The following GPR39 variants were observed in gnomAD, a reference collection of about 807,000 sequenced individuals.
The protein encoded by GPR39 is G protein-coupled receptor 39, also known as zinc sensing receptor.
A neutral mutation model predicts 18.4 loss-of-function variants in GPR39; 23 were observed. That is an observed-to-expected ratio of 1.25 (90% CI 0.90 to 1.77). The LOEUF (loss-of-function observed/expected upper bound fraction) is 1.77. GPR39 is among the 40% of genes most tolerant of loss of function. The pLI, the probability that GPR39 is intolerant of heterozygous loss-of-function variation, is 0.00. For synonymous variants in GPR39, 280 were observed against 257.9 expected (o/e 1.09, Z -0.82); for missense variants, 647 against 602.4 (o/e 1.07, Z -0.78).
intron 1 of GPR39, among the ~76,000 whole-genome samples, chr2:132,505,926 A>G (rs767472797): frequency 2.0e-5 from 3 of 152,238 alleles, no homozygotes; most frequent in Non-Finnish European, 4.4e-5. Context: ...AAGGAGTGGG[A>G]TTGATGGATC....
chr2:132,430,944 G>C (rs1313530812), intron 1 of GPR39, among the ~76,000 whole-genome samples: 1 of 152,138 alleles, frequency 6.6e-6, no homozygotes, highest in East Asian at 1.9e-4. Context: ...CCTTCCCCCT[G>C]GCTGAGTCCT....
At chr2:132,551,891 T>C (rs1573662134) in intron 1 of GPR39, among the ~76,000 whole-genome samples, 1 of 152,224 alleles carries the variant, frequency 6.6e-6, no homozygotes, top group African/African-American at 2.4e-5. Flanking sequence ...CTCGGTTCTC[T>C]GCTAGGCAGT....
chr2:132,618,101 T>C (rs57667377), intron 1 of GPR39, among the ~76,000 whole-genome samples: 3,601 of 152,300 alleles, frequency 0.024, 155 homozygotes, highest in African/African-American at 0.082. Context: ...GAAAATTCTG[T>C]TGGGCCCCTT....
At chr2:132,639,249 A>G (rs139610595) in intron 1 of GPR39, among the ~76,000 whole-genome samples, 576 of 149,320 alleles carry the variant, frequency 3.9e-3, no homozygotes, top group Middle Eastern at 6.9e-3. Context: ...GAGAACTTGA[A>G]TGGGGGGATA....
intron 1 of GPR39, among the ~76,000 whole-genome samples, chr2:132,621,517 A>G (rs1299016132): frequency 6.6e-6 from 1 of 152,042 alleles, no homozygotes; most frequent in Non-Finnish European, 1.5e-5. Flanking sequence ...TACCATCAGC[A>G]CTGCCAGCTC....
intron 1 of GPR39, among the ~76,000 whole-genome samples, chr2:132,536,703 A>G (rs1008106989): frequency 2.0e-5 from 3 of 152,186 alleles, no homozygotes; most frequent in Non-Finnish European, 4.4e-5. Flanking sequence ...TGGGAGTCTC[A>G]GTCTCTTTGT....
chr2:132,492,649 T>TAC lies in GPR39; in HGVS notation c.856+74752_856+74753insCA, dbSNP rs1421086319. ...AATATATATACACACCATCTATATA[T>TAC]AATATATATACACACCATATATATA... On this transcript the variant is annotated intron_variant, in intron 1 of 1. Transcript: ENST00000329321. 7.4e-5 allele frequency among the ~76,000 whole-genome samples: 10 copies of TAC among 134,282 alleles called. No individual in the cohort carries two copies. In the East Asian group the frequency reaches 2.2e-3, roughly 30 times the overall value. 88.1% of individuals were successfully genotyped at this position (134,282 alleles called of 152,430 possible).
At chr2:132,606,341 C>T (rs72841243) in intron 1 of GPR39, among the ~76,000 whole-genome samples, 1 of 152,088 alleles carries the variant, frequency 6.6e-6, no homozygotes, top group African/African-American at 2.4e-5. Flanking sequence ...ATAAAACATA[C>T]CAAGTGCTTA....
chr2:132,540,755 G>C (rs1325342923), intron 1 of GPR39, among the ~76,000 whole-genome samples: 1 of 152,150 alleles, frequency 6.6e-6, no homozygotes, highest in African/African-American at 2.4e-5. Flanking sequence ...TGTCAGCTGA[G>C]AGCTGCATTT....
chr2:132,590,954 T>C (rs1680824927), intron 1 of GPR39, among the ~76,000 whole-genome samples: 1 of 151,720 alleles, frequency 6.6e-6, no homozygotes, highest in Non-Finnish European at 1.5e-5. Flanking sequence ...ACAGCTAGGA[T>C]AAAAACAGAG....
chr2:132,510,215 T>C (rs1410605795), intron 1 of GPR39, among the ~76,000 whole-genome samples: 1 of 152,106 alleles, frequency 6.6e-6, no homozygotes, highest in African/African-American at 2.4e-5. Context: ...CACTGGGCAC[T>C]GGTTACCTAC....
intron 1 of GPR39, among the ~76,000 whole-genome samples, chr2:132,541,301 A>G (rs929118211): frequency 6.6e-6 from 1 of 151,960 alleles, no homozygotes; most frequent in African/African-American, 2.4e-5. Flanking sequence ...CCAGGCTGTT[A>G]TCGAACTCCT....
chr2:132,508,657 C>G (rs1679180351), intron 1 of GPR39, among the ~76,000 whole-genome samples: 1 of 152,212 alleles, frequency 6.6e-6, no homozygotes, highest in Admixed American at 6.5e-5. Flanking sequence ...AAAACCATAT[C>G]TGTAAATCAG....
intron 1 of GPR39, among the ~76,000 whole-genome samples, chr2:132,428,731 A>G (rs1408257829): frequency 1.3e-5 from 2 of 152,230 alleles, no homozygotes; most frequent in Non-Finnish European, 2.9e-5. Context: ...TGTCAATACT[A>G]GAAAAGGGTG....
intron 1 of GPR39, among the ~76,000 whole-genome samples, chr2:132,631,601 AT>A (rs1190187999): frequency 6.6e-6 from 1 of 152,050 alleles, no homozygotes; most frequent in East Asian, 1.9e-4. Flanking sequence ...CCGTCAGTTG[AT>A]TTTGTTTTTC....
intron 1 of GPR39, among the ~76,000 whole-genome samples, chr2:132,420,312 C>T (rs1679986933): frequency 6.6e-6 from 1 of 152,134 alleles, no homozygotes; most frequent in Non-Finnish European, 1.5e-5. Flanking sequence ...TTTCAAAGAG[C>T]TTTTAAAAAT....
At chr2:132,460,244 G>C (rs1350161759) in intron 1 of GPR39, among the ~76,000 whole-genome samples, 2 of 152,174 alleles carry the variant, frequency 1.3e-5, no homozygotes, top group Non-Finnish European at 2.9e-5. Flanking sequence ...GAGGGGCACA[G>C]TAACTCATTT....
chr2:132,559,740 T>C (rs764692376), intron 1 of GPR39, among the ~76,000 whole-genome samples: 1 of 152,052 alleles, frequency 6.6e-6, no homozygotes, highest in Non-Finnish European at 1.5e-5. Flanking sequence ...AATACTGTCG[T>C]TGGAAAAGGC....
chr2:132,507,292 A>G (rs1045783951), intron 1 of GPR39, among the ~76,000 whole-genome samples: 2 of 152,168 alleles, frequency 1.3e-5, no homozygotes, highest in African/African-American at 4.8e-5. Context: ...GGGGCAAACT[A>G]TAGTATTCTA....
Sources: allele counts gnomAD v4.1 joint callset (sites outside exome capture counted in the v4.1 genomes callset), GRCh38; gene constraint gnomAD v4.1.1; transcripts MANE v1.5; gene names NCBI Gene and HGNC (gene_info 2026-07-23, HGNC 2026-07-21).